The following EPHA5 variants were observed in gnomAD, a reference collection of about 807,000 sequenced individuals.
The protein encoded by EPHA5 is ephrin type-A receptor 5.
In EPHA5, 60 loss-of-function variants were observed where a neutral mutation model predicts 105.0. The observed-to-expected ratio is 0.57, with a 90% confidence interval of 0.46 to 0.71. EPHA5 has a LOEUF of 0.71. Among genes scored for constraint, EPHA5 ranks in the 30% least tolerant of loss-of-function variants. EPHA5 has a pLI of 0.00. For synonymous variants in EPHA5, 513 were observed against 449.1 expected (o/e 1.14, Z -1.80); for missense variants, 1,218 against 1,274.7 (o/e 0.96, Z 0.68).
chr4:65,606,570 T>C (rs994990862), intron 2 of EPHA5, among the ~76,000 whole-genome samples: 1 of 152,228 alleles, frequency 6.6e-6, no homozygotes, highest in Non-Finnish European at 1.5e-5. Flanking sequence ...TTATTTCCAT[T>C]GTTGATACAA....
chr4:65,381,226 T>C, intron 8 of EPHA5, among the ~76,000 whole-genome samples: 1 of 151,756 alleles, frequency 6.6e-6, no homozygotes, highest in Non-Finnish European at 1.5e-5. Context: ...TGATAAAATA[T>C]TTGTTCAGTA....
intron 3 of EPHA5, among the ~76,000 whole-genome samples, chr4:65,568,268 G>A (rs1236177408): frequency 6.6e-6 from 1 of 151,388 alleles, no homozygotes; most frequent in Non-Finnish European, 1.5e-5. Context: ...ATTGTTGAAG[G>A]ATAATTAAAT....
At chr4:65,522,316 G>GTATATATATATATATATACA (rs58851174) in intron 3 of EPHA5, among the ~76,000 whole-genome samples, 3 of 142,860 alleles carry the variant, frequency 2.1e-5, no homozygotes, top group African/African-American at 8.0e-5. Context: ...ATATATATAT[G>GTATATATATATATATATACA]TATATATATA....
At chr4:65,599,010 G>T (rs1340626751) in intron 3 of EPHA5, among the ~76,000 whole-genome samples, 2 of 151,906 alleles carry the variant, frequency 1.3e-5, no homozygotes, top group Non-Finnish European at 1.5e-5. Flanking sequence ...ACAAATATTT[G>T]CATTTGTTAT....
At chr4:65,549,744 T>C (rs1000749910) in intron 3 of EPHA5, among the ~76,000 whole-genome samples, 4 of 152,276 alleles carry the variant, frequency 2.6e-5, no homozygotes, top group African/African-American at 9.6e-5. Context: ...ACTAGAGGGT[T>C]ATAGATTTTT....
intron 8 of EPHA5, among the ~76,000 whole-genome samples, chr4:65,403,393 A>C (rs1258085936): frequency 2.9e-5 from 3 of 103,528 alleles, no homozygotes; most frequent in Non-Finnish European, 4.8e-5. Flanking sequence ...CTTATGGTAC[A>C]TTTTCACTTT....
intron 8 of EPHA5, among the ~76,000 whole-genome samples, chr4:65,383,546 GA>G (rs1166521815): frequency 1.3e-5 from 2 of 151,712 alleles, no homozygotes; most frequent in Admixed American, 6.6e-5. Flanking sequence ...ACATTATAGG[GA>G]AAAAAACCCA....
chr4:65,371,724 G>A (rs1476445365), intron 8 of EPHA5, among the ~76,000 whole-genome samples: 1 of 151,944 alleles, frequency 6.6e-6, no homozygotes, highest in African/African-American at 2.4e-5. Flanking sequence ...CCAAAACAGA[G>A]TGTAAATCCT....
At chr4:65,429,753 C>T (rs969037168) in intron 5 of EPHA5, among the ~76,000 whole-genome samples, 12 of 151,950 alleles carry the variant, frequency 7.9e-5, no homozygotes, top group Non-Finnish European at 1.6e-4. Context: ...AAATTCAGGA[C>T]CACCACATCT....
At chr4:65,601,274 G>A (rs1340643267) in intron 3 of EPHA5, among the ~76,000 whole-genome samples, 1 of 152,052 alleles carries the variant, frequency 6.6e-6, no homozygotes, top group Non-Finnish European at 1.5e-5. Flanking sequence ...CAAATAAAGA[G>A]TAGAAAATAA....
intron 16 of EPHA5, among the ~76,000 whole-genome samples, chr4:65,326,123 T>G (rs1343880456): frequency 3.3e-5 from 5 of 150,238 alleles, no homozygotes; most frequent in Non-Finnish European, 5.9e-5. Flanking sequence ...TAGACACATA[T>G]AAATTGGTGA....
intron 3 of EPHA5, among the ~76,000 whole-genome samples, chr4:65,600,010 C>T (rs1375304817): frequency 1.3e-5 from 2 of 152,056 alleles, no homozygotes; most frequent in African/African-American, 2.4e-5. Flanking sequence ...GAATTAAGTG[C>T]TCACATATTC....
In EPHA5 at chr4:65,495,418, C is replaced by T. The variant is rs2149225610; in HGVS notation, c.1036G>A (p.Glu346Lys). ...CATGCCATTGTGGGTGGATCAGACT[C>T]TCTCCTGAAATAATCCTTTTCACAG... is the stretch of plus-strand genomic sequence containing the variant. ...CVCEKDYFRRESDPPTMACTR... is the reference protein window; with the variant it reads ...CVCEKDYFRRKSDPPTMACTR... Residue 346 changes from glutamate to lysine, a missense_variant, in exon 4 of 17, where the codon GAG (glutamate) becomes AAG (lysine). Transcript: ENST00000613740. The T allele has an allele frequency of 6.2e-7, 1 of 1,613,578 alleles. No individual in the cohort carries two copies. The highest frequency in any genetic ancestry group is 8.5e-7 in the Non-Finnish European group (1 of 1,179,674).
intron 5 of EPHA5, among the ~76,000 whole-genome samples, chr4:65,482,643 G>GA (rs1228442341): frequency 3.3e-5 from 5 of 151,922 alleles, no homozygotes; most frequent in Admixed American, 1.3e-4. Flanking sequence ...GGTCTGGGAA[G>GA]AAAAAAATCT....
intron 14 of EPHA5, among the ~76,000 whole-genome samples, chr4:65,337,742 G>A (rs7666078): frequency 0.37 from 56,060 of 151,688 alleles, 11,107 homozygotes; most frequent in South Asian, 0.48. Context: ...GAGATAGCTG[G>A]ACTGATAATA....
intron 3 of EPHA5, among the ~76,000 whole-genome samples, chr4:65,576,117 A>AG (rs1233845466): frequency 2.1e-5 from 3 of 142,826 alleles, no homozygotes; most frequent in East Asian, 2.1e-4. Context: ...AGAAAAGAAA[A>AG]AAGAAAAGAA....
chr4:65,379,432 TTATTG>T (rs1261865023), intron 8 of EPHA5, among the ~76,000 whole-genome samples: 1 of 151,746 alleles, frequency 6.6e-6, no homozygotes, highest in Non-Finnish European at 1.5e-5. Flanking sequence ...TACTTCTATT[TTATTG>T]TATTTGTTTT....
intron 11 of EPHA5, among the ~76,000 whole-genome samples, chr4:65,358,982 T>C (rs915041100): frequency 2.3e-4 from 35 of 151,686 alleles, no homozygotes; most frequent in African/African-American, 8.2e-4. Context: ...AATTATGGAG[T>C]CAGAAATTAT....
At chr4:65,629,736 T>C (rs1560794443) in intron 2 of EPHA5, among the ~76,000 whole-genome samples, 1 of 152,156 alleles carries the variant, frequency 6.6e-6, no homozygotes, top group Admixed American at 6.5e-5. Flanking sequence ...TTAACTGTAG[T>C]GATGGCTGCC....
Sources: gnomAD v4.1 joint callset for allele counts (sites outside exome capture counted in the v4.1 genomes callset) on GRCh38, gnomAD v4.1.1 for gene constraint, MANE v1.5 for transcripts, NCBI Gene and HGNC (gene_info 2026-07-23, HGNC 2026-07-21) for gene names.